Variants in SYTL5 observed in about 807,000 individuals in gnomAD.
SYTL5 encodes the protein synaptotagmin like 5, also known as synaptotagmin-like protein 5.
A neutral mutation model predicts 55.9 loss-of-function variants in SYTL5; 34 were observed. The ratio of observed to expected loss-of-function variants is 0.61; its 90% CI spans 0.46 to 0.81. SYTL5 has a LOEUF of 0.81. Ranked by LOEUF, SYTL5 falls within the 30% of genes least tolerant of loss-of-function variation. The pLI, the probability that SYTL5 is intolerant of heterozygous loss-of-function variation, is 0.00. For synonymous variants in SYTL5, 221 were observed against 188.7 expected, an observed-to-expected ratio of 1.17 and a Z score of -1.40; for missense variants, 637 against 546.7, an observed-to-expected ratio of 1.17 and a Z score of -1.65.
the SYTL5 span, among the ~76,000 whole-genome samples, chrX:37,948,595 A>C: frequency 3.5e-4 from 39 of 110,076 alleles, no homozygotes; most frequent in African/African-American, 1.3e-3. Context: ...CACTTTCCCC[A>C]TCTGCCACCA....
intron 6 of SYTL5, among the ~76,000 whole-genome samples, chrX:38,081,757 A>G (rs1431645581): frequency 8.9e-6 from 1 of 111,898 alleles, no homozygotes; most frequent in East Asian, 2.8e-4. Context: ...GTTAAGAGAT[A>G]GGGAATCTGG....
chrX:37,950,492 C>T, the SYTL5 span, among the ~76,000 whole-genome samples: 6 of 111,506 alleles, frequency 5.4e-5, no homozygotes. Context: ...CAGGATATAT[C>T]TTTATTTACT....
At chrX:37,949,987 A>C in the SYTL5 span, among the ~76,000 whole-genome samples, 1 of 111,650 alleles carries the variant, frequency 9.0e-6, no homozygotes, top group Admixed American at 9.5e-5. Flanking sequence ...CTGTTGCAAA[A>C]AATTTTTAAA....
At chrX:37,935,260 T>C in the SYTL5 span, among the ~76,000 whole-genome samples, 2 of 111,661 alleles carry the variant, frequency 1.8e-5, no homozygotes, top group African/African-American at 6.5e-5. Context: ...AAACTATCAT[T>C]CAAAAGTGAA....
the SYTL5 span, among the ~76,000 whole-genome samples, chrX:38,001,208 T>C: frequency 7.2e-5 from 8 of 111,056 alleles, no homozygotes; most frequent in African/African-American, 2.6e-4. Context: ...AGGTCTTCAA[T>C]ACGTAATCAT....
intron 3 of SYTL5, among the ~76,000 whole-genome samples, chrX:38,063,587 T>C (rs754446193): frequency 1.8e-5 from 2 of 112,006 alleles, no homozygotes; most frequent in African/African-American, 6.5e-5. Flanking sequence ...CTTTACTTTA[T>C]GGTTTTACTG....
chrX:37,923,069 C>T, the SYTL5 span, among the ~76,000 whole-genome samples: 68 of 112,665 alleles, frequency 6.0e-4, 1 homozygote, highest in African/African-American at 2.1e-3. Context: ...ATATATTGTG[C>T]TTTCCGTCCA....
the SYTL5 span, among the ~76,000 whole-genome samples, chrX:37,986,944 C>T: frequency 4.4e-4 from 49 of 111,450 alleles, no homozygotes; most frequent in Middle Eastern, 4.2e-3. Context: ...TGTATACATG[C>T]GCCATGTTGG....
At chrX:37,954,154 T>G in the SYTL5 span, among the ~76,000 whole-genome samples, 1 of 111,576 alleles carries the variant, frequency 9.0e-6, no homozygotes, top group African/African-American at 3.3e-5. Context: ...CATCAGTAAG[T>G]TAATGGAAGG....
At chrX:37,889,357 G>C in the SYTL5 span, among the ~76,000 whole-genome samples, 8 of 111,490 alleles carry the variant, frequency 7.2e-5, no homozygotes, top group African/African-American at 2.6e-4. Context: ...GTCGTGGTGT[G>C]GCCAGGGCTC....
chrX:37,923,968 G>T, the SYTL5 span, among the ~76,000 whole-genome samples: 1 of 110,970 alleles, frequency 9.0e-6, no homozygotes, highest in Non-Finnish European at 1.9e-5. Flanking sequence ...AAGTATTTAG[G>T]CATATGTTTA....
chrX:38,054,606 G>A (rs112799660), intron 3 of SYTL5, among the ~76,000 whole-genome samples, 184 bp downstream of exon 3: 3 of 69,846 alleles, frequency 4.3e-5, no homozygotes, highest in African/African-American at 2.1e-4. Context: ...GTGTGTGTGT[G>A]TATGTGAGAG....
the SYTL5 span, among the ~76,000 whole-genome samples, chrX:37,935,990 A>C: frequency 3.6e-5 from 4 of 112,321 alleles, no homozygotes; most frequent in Non-Finnish European, 7.5e-5. Flanking sequence ...CATACTTTAG[A>C]TTCAAAGTCA....
At chrX:38,094,479 A>G in intron 8 of SYTL5, 55 bp downstream of exon 8, 1 of 1,107,753 alleles carries the variant, frequency 9.0e-7, no homozygotes, top group Non-Finnish European at 1.2e-6. Flanking sequence ...ATCAAATGGA[A>G]TTGACTGCTA....
At position 38,110,809 on chromosome X, in the gene SYTL5, C is replaced by A. The variant is rs190937084; in HGVS notation, c.1596+327C>A. Among the ~76,000 whole-genome samples, 268 of 111,588 alleles carry A rather than the reference C, an allele frequency of 2.4e-3. 1 individual carries two copies. Among genetic ancestry groups the A allele is most frequent in the Non-Finnish European group, 3.5e-3 (184 of 53,072 alleles). ...AGTCTTCATTTTCACATAGGCGAAA[C>A]CAAATTCATACAGCATGAACAATCC... is the stretch of plus-strand genomic sequence containing the variant. On this transcript the variant is annotated intron_variant, in intron 13 of 16. Coordinates refer to ENST00000297875, the MANE Select transcript of SYTL5 (RefSeq NM_138780.3).
chrX:38,065,315 A>G (rs1486330524), intron 3 of SYTL5, among the ~76,000 whole-genome samples: 2 of 111,691 alleles, frequency 1.8e-5, no homozygotes, highest in African/African-American at 6.5e-5. Context: ...TTCTTTTTAT[A>G]CCTCAGACCT....
In SYTL5 at chrX:38,033,716, A is replaced by G. The variant is rs749843397; in HGVS notation, c.-174A>G. ...TCCCAGTGGAGGCTGTTCTACGTAT[A>G]GCCTGAAAGAATACTTAACTACCAT... On this transcript the variant is annotated 5_prime_UTR_variant, in exon 2 of 17. It adds an upstream start codon to the 5' untranslated region. Coordinates refer to ENST00000297875, the MANE Select transcript of SYTL5 (RefSeq NM_138780.3). 6 of 308,264 alleles carry G rather than the reference A, an allele frequency of 1.9e-5. No individual in the cohort carries two copies. In the Admixed American group the frequency reaches 3.3e-4, roughly 17 times the overall value. 25.4% of individuals were successfully genotyped at this position (308,264 alleles called of 1,213,427 possible). A position where few individuals can be genotyped will look rare whatever the true frequency, so the allele number is the denominator to read the frequency against.
the SYTL5 span, among the ~76,000 whole-genome samples, chrX:37,965,528 C>T: frequency 0.29 from 31,576 of 109,902 alleles, 3,718 homozygotes; most frequent in East Asian, 0.6. Context: ...TGGGATCTAA[C>T]GTGATCTATA....
At chrX:37,907,792 C>A in the SYTL5 span, among the ~76,000 whole-genome samples, 1 of 112,438 alleles carries the variant, frequency 8.9e-6, no homozygotes. Context: ...CAATGGTACT[C>A]AAAGTGTGGA....
Sources: gnomAD v4.1 joint callset for allele counts (sites outside exome capture counted in the v4.1 genomes callset) on GRCh38, gnomAD v4.1.1 for gene constraint, MANE v1.5 for transcripts, NCBI Gene and HGNC (gene_info 2026-07-23, HGNC 2026-07-21) for gene names.